Variants in GDPD4 observed in about 807,000 individuals in gnomAD.
GDPD4 encodes the protein glycerophosphodiester phosphodiesterase domain containing 4.
GDPD4 carries 60 observed loss-of-function variants against 67.8 expected under a neutral mutation model. That is an observed-to-expected ratio of 0.88 (90% CI 0.72 to 1.10). The LOEUF is 1.10. Among genes scored for constraint, GDPD4 ranks in the 50% least tolerant of loss-of-function variants. The probability of loss-of-function intolerance (pLI) is 0.00; values close to 1 mark genes in which losing one functional copy is unlikely to be tolerated. For missense variants in GDPD4, 623 were observed against 613.9 expected (o/e 1.01, Z -0.16); for synonymous variants, 212 against 210.9 (o/e 1.00, Z -0.04).
chr11:77,260,734 AT>A (rs1196767439), intron 10 of GDPD4, among the ~76,000 whole-genome samples: 3 of 152,132 alleles, frequency 2.0e-5, no homozygotes, highest in Admixed American at 2.0e-4. Flanking sequence ...AAAAACGGAA[AT>A]TTAGAGATAA....
At chr11:77,287,938 A>C (rs1422924430) in intron 1 of GDPD4, among the ~76,000 whole-genome samples, 1 of 152,212 alleles carries the variant, frequency 6.6e-6, no homozygotes, top group African/African-American at 2.4e-5. Context: ...CAATGGCTGA[A>C]ATGTGACAAG....
intron 11 of GDPD4, among the ~76,000 whole-genome samples, chr11:77,252,919 T>C (rs772857811): frequency 6.6e-6 from 1 of 152,236 alleles, no homozygotes; most frequent in Non-Finnish European, 1.5e-5. Context: ...TTCCCTACAA[T>C]GAGGAGACTT....
intron 8 of GDPD4, 51 bp from the exon 9 acceptor site, chr11:77,269,120 A>T (rs775931374): frequency 1.3e-6 from 2 of 1,552,788 alleles, no homozygotes; most frequent in Non-Finnish European, 8.8e-7. Context: ...ATAAAGAGGG[A>T]TGGAAAATCA....
At chr11:77,222,600 G>T (rs1230524238) in intron 16 of GDPD4, among the ~76,000 whole-genome samples, 1 of 152,288 alleles carries the variant, frequency 6.6e-6, no homozygotes. Context: ...TGAGAGATCC[G>T]CTGTTAGTCT....
chr11:77,236,497 C>T (rs954343646), intron 13 of GDPD4, among the ~76,000 whole-genome samples: 10 of 151,898 alleles, frequency 6.6e-5, no homozygotes, highest in Admixed American at 1.3e-4. Context: ...ATAAGAGATG[C>T]ACTTTAAAGA....
intron 1 of GDPD4, among the ~76,000 whole-genome samples, chr11:77,291,796 C>A (rs1015139611): frequency 6.6e-6 from 1 of 152,022 alleles, no homozygotes; most frequent in Non-Finnish European, 1.5e-5. Context: ...TTTGTGGGGC[C>A]AAGGCAGGCG....
At chr11:77,270,224 TC>T (rs897966320) in intron 7 of GDPD4, among the ~76,000 whole-genome samples, 1 of 152,172 alleles carries the variant, frequency 6.6e-6, no homozygotes, top group African/African-American at 2.4e-5. Context: ...GAAAGATACT[TC>T]CATTCTCAAA....
chr11:77,292,626 A>C (rs1487820490), intron 1 of GDPD4, among the ~76,000 whole-genome samples: 4 of 152,174 alleles, frequency 2.6e-5, no homozygotes, highest in Non-Finnish European at 4.4e-5. Flanking sequence ...AATAGAAAAA[A>C]TAGGAAAAAA....
chr11:77,268,807 G>A (rs892507486), intron 9 of GDPD4, 117 bp downstream of exon 9: 1 of 1,054,308 alleles, frequency 9.5e-7, no homozygotes, highest in Non-Finnish European at 1.4e-6. Flanking sequence ...CTTTATTCTT[G>A]CCATCTTAAT....
At position 77,268,882 on chromosome 11, in the gene GDPD4, C is replaced by A. The variant is rs199869008; in HGVS notation, c.624+42G>T. ...TTTCTTCTCTTGACCACATACCCCACACATACTTATTTTCACCCATGTTCA... is the reference window on the plus strand; with the variant it reads ...TTTCTTCTCTTGACCACATACCCCAAACATACTTATTTTCACCCATGTTCA... On this transcript the variant is annotated intron_variant, in intron 9 of 16. Transcript: ENST00000315938. 72 of 1,597,976 alleles carry A rather than the reference C, an allele frequency of 4.5e-5. No homozygotes were observed. In the Middle Eastern group the frequency reaches 7.6e-4, roughly 17 times the overall value.
At chr11:77,296,352 C>T (rs2135898773) in intron 1 of GDPD4, among the ~76,000 whole-genome samples, 1 of 145,858 alleles carries the variant, frequency 6.9e-6, no homozygotes, top group South Asian at 2.2e-4. Context: ...CTGAGTTTCA[C>T]TCTTGTTGCT....
chr11:77,219,234 G>T (rs1958182216), intron 16 of GDPD4, among the ~76,000 whole-genome samples: 1 of 151,912 alleles, frequency 6.6e-6, no homozygotes, highest in Non-Finnish European at 1.5e-5. Context: ...TTTCTGATGG[G>T]GTTGTTCTTG....
intron 16 of GDPD4, among the ~76,000 whole-genome samples, chr11:77,217,984 A>G (rs543971829): frequency 2.1e-4 from 32 of 150,938 alleles, no homozygotes; most frequent in Non-Finnish European, 4.1e-4. Flanking sequence ...TTTACCTTTT[A>G]TTTTTATTAA....
chr11:77,229,184 C>T lies in GDPD4; in HGVS notation c.1438G>A (p.Val480Met), dbSNP rs1958405897. ...FMWLLADIIS[V>M]LFIVAIFCFH... ...CAAAATATGGCAACAATAAAAAGCA[C>T]AGAAATGATATCTGCAAGGAGCCAC... is the stretch of plus-strand genomic sequence containing the variant. The change falls in exon 15 of 17, where the codon GTG (valine) becomes ATG (methionine). Residue 480 changes from valine to methionine, a missense_variant. Coordinates refer to ENST00000315938, the MANE Select transcript of GDPD4 (RefSeq NM_182833.3). The T allele has an allele frequency of 6.2e-7, 1 of 1,607,946 alleles. No homozygotes were observed.
At chr11:77,223,982 G>A (rs575401586) in intron 16 of GDPD4, among the ~76,000 whole-genome samples, 6 of 152,234 alleles carry the variant, frequency 3.9e-5, no homozygotes, top group South Asian at 4.1e-4. Context: ...GGCTCTGTGG[G>A]CGTGGGACCT....
rs796999706 is a variant in GDPD4 at position 77,252,050 on chromosome 11, GTTTGT to G, written c.864+6331_864+6335del. ...GGTGTCCATTTGGGTTTTTTTGTTT[GTTTGT>G]TTTTTTTTTGTTTTTTTTTTTTTTT... On this transcript the variant is annotated intron_variant, in intron 11 of 16. Coordinates refer to ENST00000315938, the MANE Select transcript of GDPD4 (RefSeq NM_182833.3). Among the ~76,000 whole-genome samples, 421 of 71,916 alleles carry G rather than the reference GTTTGT, an allele frequency of 5.9e-3. 16 individuals carry two copies. The highest frequency in any genetic ancestry group is 0.034 in the Admixed American group (303 of 8,922). 47.2% of individuals were successfully genotyped at this position (71,916 alleles called of 152,430 possible).
intron 16 of GDPD4, among the ~76,000 whole-genome samples, chr11:77,225,323 T>G (rs1363822970): frequency 6.8e-6 from 1 of 146,684 alleles, no homozygotes; most frequent in Non-Finnish European, 1.5e-5. Flanking sequence ...AAAGTCTCAG[T>G]AACCTATGGG....
At chr11:77,245,629 T>C (rs1958767201) in intron 11 of GDPD4, 127 bp from the exon 12 acceptor site, 1 of 632,828 alleles carries the variant, frequency 1.6e-6, no homozygotes, top group African/African-American at 1.8e-5. Flanking sequence ...GAAGTACTAA[T>C]CCTAGAAAAC....
chr11:77,264,300 G>A (rs1018375966), intron 10 of GDPD4, among the ~76,000 whole-genome samples: 3 of 152,058 alleles, frequency 2.0e-5, no homozygotes, highest in East Asian at 1.9e-4. Flanking sequence ...TCATATAAAC[G>A]TGTTTCACAT....
Sources: gnomAD v4.1 joint callset for allele counts (sites outside exome capture counted in the v4.1 genomes callset) on GRCh38, gnomAD v4.1.1 for gene constraint, MANE v1.5 for transcripts, NCBI Gene and HGNC (gene_info 2026-07-23, HGNC 2026-07-21) for gene names.